The following DOCK1 variants were observed in gnomAD, a reference collection of about 807,000 sequenced individuals.
DOCK1 encodes dedicator of cytokinesis 1.
DOCK1 carries 138 observed loss-of-function variants against 262.7 expected under a neutral mutation model. That is an observed-to-expected ratio of 0.53 (90% CI 0.46 to 0.61). DOCK1 has a LOEUF of 0.61. DOCK1 is among the 20% of genes least tolerant of loss of function. DOCK1 has a pLI of 0.00. For synonymous variants in DOCK1, 866 were observed against 867.4 expected, an observed-to-expected ratio of 1.00 and a Z score of 0.03; for missense variants, 1,908 against 2,370.7, an observed-to-expected ratio of 0.80 and a Z score of 4.05.
At chr10:127,362,684 T>C (rs2064533031) in intron 33 of DOCK1, among the ~76,000 whole-genome samples, 1 of 152,170 alleles carries the variant, frequency 6.6e-6, no homozygotes, top group South Asian at 2.1e-4. Flanking sequence ...AGAAAGTGTA[T>C]ATAAAGTGCT....
At chr10:126,942,274 C>T (rs1053351784) in intron 1 of DOCK1, among the ~76,000 whole-genome samples, 14 of 152,254 alleles carry the variant, frequency 9.2e-5, no homozygotes, top group Non-Finnish European at 1.5e-4. Flanking sequence ...TCACCTGCCT[C>T]GGCCTCCCGA....
chr10:127,035,934 A>G (rs896965559), intron 18 of DOCK1, among the ~76,000 whole-genome samples: 1 of 151,874 alleles, frequency 6.6e-6, no homozygotes, highest in Non-Finnish European at 1.5e-5. Flanking sequence ...CCTGGGAGTT[A>G]GAGGCTGCAT....
intron 29 of DOCK1, among the ~76,000 whole-genome samples, chr10:127,285,404 G>A (rs147019418): frequency 1.3e-5 from 2 of 152,362 alleles, no homozygotes; most frequent in Non-Finnish European, 2.9e-5. Context: ...ATGGAAAACA[G>A]TGAAAGATGA....
chr10:127,021,294 T>C (rs1408665863), intron 13 of DOCK1, among the ~76,000 whole-genome samples: 1 of 151,682 alleles, frequency 6.6e-6, no homozygotes, highest in Non-Finnish European at 1.5e-5. Flanking sequence ...GCCTCCGGAG[T>C]AGCTGAGATT....
In DOCK1 at chr10:127,409,194, A is replaced by G. The variant is rs904333574; in HGVS notation, c.4264+16A>G. On this transcript the variant is annotated intron_variant, in intron 41 of 51. Coordinates refer to ENST00000623213, the MANE Select transcript of DOCK1 (RefSeq NM_001290223.2). ...CCTGGCCAGTGTATCCTTTAAGACA[A>G]CCTCATCAACTCTGAAACCATGGTG... 4.3e-6 allele frequency: 7 copies of G among 1,613,128 alleles called. No individual in the cohort carries two copies. The African/African-American group carries it at 6.7e-5, about 15-fold the overall frequency.
intron 23 of DOCK1, among the ~76,000 whole-genome samples, chr10:127,063,159 T>G (rs1184958803): frequency 6.6e-6 from 1 of 152,248 alleles, no homozygotes; most frequent in Non-Finnish European, 1.5e-5. Context: ...AATGATTAGC[T>G]TACATCTTTC....
Position 127,176,077 on chromosome 10 carries a change from T to G in DOCK1, c.2847+48313T>G. ...TAACACTTCTTAAGGTCGGGCGAGG[T>G]CTGCACGCCTGTGCTCTTGGTGACG... is the stretch of plus-strand genomic sequence containing the variant. On this transcript the variant is annotated intron_variant, in intron 27 of 51. Coordinates refer to ENST00000623213, the MANE Select transcript of DOCK1 (RefSeq NM_001290223.2). The surrounding 1 kb of genome is among the most constrained non-coding windows in gnomAD (Gnocchi z 4.4). The G allele has an allele frequency of 1.2e-6, 2 of 1,614,044 alleles. No homozygotes were observed. The highest frequency in any genetic ancestry group is 1.7e-6 in the Non-Finnish European group (2 of 1,180,002).
At chr10:126,998,328 C>G in intron 8 of DOCK1, 79 bp downstream of exon 8, 1 of 1,575,442 alleles carries the variant, frequency 6.3e-7, no homozygotes, top group Middle Eastern at 1.8e-4. Flanking sequence ...TGAAGCGTCC[C>G]ATTCATGCTG....
At chr10:127,431,086 G>A (rs1285381280) in intron 47 of DOCK1, among the ~76,000 whole-genome samples, 1 of 152,162 alleles carries the variant, frequency 6.6e-6, no homozygotes, top group Non-Finnish European at 1.5e-5. Flanking sequence ...GGAAGCTGGG[G>A]CTCCGAGTGG....
intron 32 of DOCK1, among the ~76,000 whole-genome samples, chr10:127,357,424 C>T (rs1264876873): frequency 6.6e-6 from 1 of 152,158 alleles, no homozygotes; most frequent in Non-Finnish European, 1.5e-5. Context: ...AGTGCTTGGG[C>T]AGGCCTGGCC....
intron 29 of DOCK1, among the ~76,000 whole-genome samples, chr10:127,260,144 C>G (rs1032741638): frequency 2.0e-5 from 3 of 152,344 alleles, no homozygotes; most frequent in Admixed American, 2.0e-4. Flanking sequence ...AGCCCCTTCA[C>G]AGGGTATGGC....
chr10:126,990,480 G>A lies in DOCK1; in HGVS notation c.350G>A (p.Ser117Asn). 1 of 1,611,792 alleles carries A rather than the reference G, an allele frequency of 6.2e-7. No individual in the cohort carries two copies. Among genetic ancestry groups the A allele is most frequent in the Non-Finnish European group, 8.5e-7 (1 of 1,178,980 alleles). ...YVQDNREMFRSVRHMIYDLIE... is the reference protein window; with the variant it reads ...YVQDNREMFRNVRHMIYDLIE... ...CAAGATAACAGGGAGATGTTTCGAA[G>A]TGTGCGGCACATGATCTATGACCTT... The change falls in exon 6 of 52, where the codon AGT becomes AAT. Residue 117 changes from serine (S) to asparagine (N), a missense_variant. This residue lies in a region of DOCK1 where 227 missense variants were observed against 254.1 expected (regional missense o/e 0.89). Coordinates refer to ENST00000623213, the MANE Select transcript of DOCK1 (RefSeq NM_001290223.2).
chr10:126,976,502 C>T (rs1447963425), intron 2 of DOCK1, among the ~76,000 whole-genome samples: 2 of 152,176 alleles, frequency 1.3e-5, no homozygotes, highest in African/African-American at 4.8e-5. Context: ...TCCTTTTCAT[C>T]CCTGGTTGTG....
Position 127,000,240 on chromosome 10 carries a change from C to T in DOCK1, c.918C>T (p.Arg306=), listed in dbSNP as rs1247528570. 3.1e-6 allele frequency: 5 copies of T among 1,613,870 alleles called. No individual in the cohort carries two copies. In the Admixed American group the frequency reaches 5.0e-5, roughly 16 times the overall value. ...TCTGTCAGATTGTTCGCGTGGGTCGCATGGAGCTGAGGGACAACAACACCA... is the reference window on the plus strand; with the variant it reads ...TCTGTCAGATTGTTCGCGTGGGTCGTATGGAGCTGAGGGACAACAACACCA... ...SFVCQIVRVG[R]MELRDNNTRK... Residue 306 remains arginine (R), a synonymous_variant, in exon 10 of 52, where the codon CGC becomes CGT. Coordinates refer to ENST00000623213, the MANE Select transcript of DOCK1 (RefSeq NM_001290223.2).
chr10:127,310,261 C>T (rs1165050464), intron 29 of DOCK1, among the ~76,000 whole-genome samples: 1 of 137,880 alleles, frequency 7.3e-6, no homozygotes, highest in Non-Finnish European at 1.6e-5. Context: ...CATACCCCCA[C>T]CCCACCCCCT....
intron 2 of DOCK1, among the ~76,000 whole-genome samples, chr10:126,976,623 A>G (rs1469320707): frequency 1.3e-5 from 2 of 152,098 alleles, no homozygotes; most frequent in Non-Finnish European, 2.9e-5. Flanking sequence ...GTGTAAAGAA[A>G]CCCAGTATTT....
At chr10:127,306,904 C>T (rs2061897749) in intron 29 of DOCK1, among the ~76,000 whole-genome samples, 1 of 152,108 alleles carries the variant, frequency 6.6e-6, no homozygotes, top group African/African-American at 2.4e-5. Context: ...AAAATACTTA[C>T]ATGTATTATG....
chr10:126,936,698 C>T (rs986255057), intron 1 of DOCK1, among the ~76,000 whole-genome samples: 7 of 152,120 alleles, frequency 4.6e-5, no homozygotes, highest in Admixed American at 2.6e-4. Flanking sequence ...GAAAAATGAT[C>T]AAACTTATTG....
chr10:127,100,025 C>G lies in DOCK1; in HGVS notation c.2446-6206C>G, dbSNP rs542356133. 6.6e-6 allele frequency among the ~76,000 whole-genome samples: 1 copy of G among 152,224 alleles called. No individual in the cohort carries two copies. Among genetic ancestry groups the G allele is most frequent in the South Asian group, 2.1e-4 (1 of 4,822 alleles). On this transcript the variant is annotated intron_variant, in intron 23 of 51. Coordinates refer to ENST00000623213, the MANE Select transcript of DOCK1 (RefSeq NM_001290223.2). This position sits in a 1 kb window ranked among gnomAD's most constrained non-coding sequence, Gnocchi z 5.5. ...GAGGCTCGGCTTGGTGGGAGAGAGT[C>G]CTGCAGGTACCAAGGGTGAGTCTGG... is the stretch of plus-strand genomic sequence containing the variant.
Sources: allele counts gnomAD v4.1 joint callset (sites outside exome capture counted in the v4.1 genomes callset), GRCh38; gene constraint gnomAD v4.1.1; regional missense constraint gnomAD v4.1.1; non-coding constraint Gnocchi (gnomAD v3.1); transcripts MANE v1.5; gene names NCBI Gene and HGNC (gene_info 2026-07-23, HGNC 2026-07-21).